ANK3: variants seen among roughly 807,000 people sequenced by gnomAD.
ANK3 encodes the protein ankyrin 3, also known as ankyrin-3.
A neutral mutation model predicts 370.9 loss-of-function variants in ANK3; 57 were observed. The ratio of observed to expected loss-of-function variants is 0.15; its 90% confidence interval spans 0.12 to 0.19. The LOEUF (loss-of-function observed/expected upper bound fraction) is 0.19. Among genes scored for constraint, ANK3 ranks in the 10% least tolerant of loss-of-function variants. The probability of loss-of-function intolerance (pLI) is 1.00; values close to 1 mark genes in which losing one functional copy is unlikely to be tolerated. For missense variants in ANK3, 4,439 were observed against 5,302.1 expected (o/e 0.84, Z 5.06); for synonymous variants, 1,929 against 1,946.3 (o/e 0.99, Z 0.23).
chr10:60,394,283 T>G (rs375318297), upstream of ANK3, among the ~76,000 whole-genome samples: 8 of 151,576 alleles, frequency 5.3e-5, no homozygotes, highest in African/African-American at 1.9e-4. Flanking sequence ...CCTGGAAAAT[T>G]TTTAATTCAC....
In ANK3 at chr10:60,225,294, T is replaced by A. The variant is rs181818962; in HGVS notation, c.897+9394A>T. Among the ~76,000 whole-genome samples, 4 of 152,302 alleles carry A rather than the reference T, an allele frequency of 2.6e-5. No homozygotes were observed. The East Asian group carries it at 7.7e-4, about 29-fold the overall frequency. ...TTTTTGTGTTAGGCAGTTATCGAGA[T>A]AGCCTAAGAGGTGAAATAAAATTTT... On this transcript the variant is annotated intron_variant, in intron 8 of 43. Transcript: ENST00000280772.
intron 38 of ANK3, among the ~76,000 whole-genome samples, chr10:60,066,990 G>C (rs2131956511): frequency 6.6e-6 from 1 of 152,264 alleles, no homozygotes; most frequent in South Asian, 2.1e-4. Flanking sequence ...TGCAATCTCA[G>C]CTCACTGCAG....
chr10:60,568,186 T>C (rs1027608171), intron 2 of ANK3, among the ~76,000 whole-genome samples: 1 of 152,156 alleles, frequency 6.6e-6, no homozygotes, highest in African/African-American at 2.4e-5. Flanking sequence ...CAAACAGCAT[T>C]ACATGTTACA....
intron 41 of ANK3, among the ~76,000 whole-genome samples, chr10:60,056,820 T>C (rs965327591): frequency 1.3e-5 from 2 of 152,110 alleles, no homozygotes; most frequent in Non-Finnish European, 2.9e-5. Context: ...GCCCAGGAAT[T>C]TGAGTTCGGC....
At chr10:60,279,005 G>A in intron 3 of ANK3, 45 bp downstream of exon 3, 2 of 1,590,840 alleles carry the variant, frequency 1.3e-6, no homozygotes, top group Non-Finnish European at 1.7e-6. Flanking sequence ...AATCCTCACA[G>A]AACATGGCGA....
chr10:60,079,225 A>ACACACCCACC (rs376356885), intron 36 of ANK3, among the ~76,000 whole-genome samples: 4 of 142,648 alleles, frequency 2.8e-5, no homozygotes, highest in African/African-American at 1.1e-4. Flanking sequence ...ACACACACAC[A>ACACACCCACC]CCCCTCTTCT....
At chr10:60,378,633 G>A (rs923771074) in intron 1 of ANK3, among the ~76,000 whole-genome samples, 3 of 152,024 alleles carry the variant, frequency 2.0e-5, no homozygotes, top group African/African-American at 7.2e-5. Flanking sequence ...TGGGAAAATT[G>A]TACATCCATA....
chr10:60,100,234 GTTTTT>G (rs3045340), intron 28 of ANK3, among the ~76,000 whole-genome samples: 25 of 57,900 alleles, frequency 4.3e-4, no homozygotes, highest in African/African-American at 1.9e-3. Context: ...TTTTGCTATG[GTTTTT>G]TTTTTTTTTT....
intron 25 of ANK3, among the ~76,000 whole-genome samples, chr10:60,117,960 G>A (rs2093216745): frequency 6.6e-6 from 1 of 152,196 alleles, no homozygotes; most frequent in Admixed American, 6.5e-5. Context: ...AGTGTGCATA[G>A]GGAGGAAAAG....
intron 2 of ANK3, among the ~76,000 whole-genome samples, chr10:60,596,626 A>G (rs1185043863): frequency 6.6e-6 from 1 of 152,238 alleles, no homozygotes; most frequent in African/African-American, 2.4e-5. Flanking sequence ...TAAAGTCAAT[A>G]GTATATTAGA....
rs558371655 is a variant in ANK3, at chr10:60,357,926, T to A, written c.114+31499A>T. On this transcript the variant is annotated intron_variant, in intron 1 of 43. Transcript: ENST00000280772. ...CCTTTCTCTAAGGCCAACCCTTGAA[T>A]GTGGGTGCTAACTTCCTCACATCAT... Among the ~76,000 whole-genome samples the A allele has an allele frequency of 1.1e-4, 17 of 152,280 alleles. No individual in the cohort carries two copies. In the South Asian group the frequency reaches 1.2e-3, roughly 11 times the overall value.
At chr10:60,237,176 A>G (rs1443514805) in intron 7 of ANK3, among the ~76,000 whole-genome samples, 1 of 152,256 alleles carries the variant, frequency 6.6e-6, no homozygotes, top group Admixed American at 6.5e-5. Flanking sequence ...GAAAGCTGGC[A>G]GAAGGAAATA....
rs192436955 is a variant in ANK3 at position 60,483,535 on chromosome 10, C to A, written c.96+131651G>T. 1.9e-4 allele frequency among the ~76,000 whole-genome samples: 29 copies of A among 152,204 alleles called. 1 individual carries two copies. Among genetic ancestry groups the A allele is most frequent in the African/African-American group, 6.7e-4 (28 of 41,524 alleles). On this transcript the variant is annotated intron_variant, in intron 2 of 43. Transcript: ENST00000373827. The stretch of plus-strand genomic sequence containing the variant: ...ATGGTTAAAAATAAGATGACAAAGA[C>A]CTTTGATCCAATGGGTTCTGTTCAG...
intron 1 of ANK3, among the ~76,000 whole-genome samples, chr10:60,724,948 C>T (rs2079920197): frequency 6.6e-6 from 1 of 152,126 alleles, no homozygotes; most frequent in Non-Finnish European, 1.5e-5. Flanking sequence ...ACTATACTTC[C>T]CGGTTCATGG....
intron 23 of ANK3, among the ~76,000 whole-genome samples, chr10:60,148,542 G>A (rs2094939157): frequency 6.6e-6 from 1 of 152,092 alleles, no homozygotes; most frequent in South Asian, 2.1e-4. Context: ...ACAATGTTGG[G>A]ACAGACTCTA....
At position 60,252,298 on chromosome 10, in the gene ANK3, G is replaced by A. The variant is rs760459860; in HGVS notation, c.798+9561C>T. Among the ~76,000 whole-genome samples the A allele has an allele frequency of 2.0e-5, 3 of 152,212 alleles. 1 individual carries two copies. In the South Asian group the frequency reaches 6.2e-4, roughly 32 times the overall value. On this transcript the variant is annotated intron_variant, in intron 7 of 43. Transcript: ENST00000280772. ...GAGGGGACCAGGATTCATCTGAGCA[G>A]ATCCAAATGCACTGTCTGATGACAG...
rs115898367 is a variant in ANK3 at position 60,114,816 on chromosome 10, G to A, written c.2842-485C>T. On this transcript the variant is annotated intron_variant, in intron 25 of 43. Transcript: ENST00000280772. ...ATTGTATCTGAATGCAGCAGAGGGC[G>A]GTTGAAGCATCGAGAACTAAAAGAA... 8.5e-3 allele frequency among the ~76,000 whole-genome samples: 1,295 copies of A among 152,308 alleles called. 16 individuals are homozygous for A. Among genetic ancestry groups the A allele is most frequent in the African/African-American group, 0.029 (1,225 of 41,556 alleles).
At chr10:60,055,238 C>CTGTT (rs1301624670) in intron 42 of ANK3, among the ~76,000 whole-genome samples, 1 of 152,142 alleles carries the variant, frequency 6.6e-6, no homozygotes, top group East Asian at 1.9e-4. Flanking sequence ...ATGCTATAGA[C>CTGTT]TGTTTATGCC....
chr10:60,315,394 T>G (rs2047194519), intron 1 of ANK3, among the ~76,000 whole-genome samples: 1 of 152,150 alleles, frequency 6.6e-6, no homozygotes, highest in African/African-American at 2.4e-5. Flanking sequence ...AGATCACTGG[T>G]TAAATCCAGT....
Sources: gnomAD v4.1 joint callset for allele counts (sites outside exome capture counted in the v4.1 genomes callset) on GRCh38, gnomAD v4.1.1 for gene constraint, MANE v1.5 for transcripts, NCBI Gene and HGNC (gene_info 2026-07-23, HGNC 2026-07-21) for gene names.